The following SH3TC1 variants were observed in gnomAD, a reference collection of about 807,000 sequenced individuals.
SH3TC1 encodes SH3 domain and tetratricopeptide repeats 1, also known as SH3 domain and tetratricopeptide repeat-containing protein 1.
In SH3TC1, 135 loss-of-function variants were observed where a neutral mutation model predicts 117.3. That is an observed-to-expected ratio of 1.15 (90% confidence interval 1.00 to 1.33). The LOEUF (loss-of-function observed/expected upper bound fraction) is 1.33, where lower values mean the gene tolerates loss of function less well. Among genes scored for constraint, SH3TC1 ranks in the 40% most tolerant of loss-of-function variants. The probability of loss-of-function intolerance (pLI) is 0.00; values close to 1 mark genes in which losing one functional copy is unlikely to be tolerated. For synonymous variants in SH3TC1, 898 were observed against 816.9 expected, an observed-to-expected ratio of 1.10 and a Z score of -1.69; for missense variants, 2,092 against 1,794.3, an observed-to-expected ratio of 1.17 and a Z score of -3.00.
intron 12 of SH3TC1, among the ~76,000 whole-genome samples, chr4:8,229,588 G>A (rs963957472): frequency 4.6e-5 from 7 of 151,944 alleles, no homozygotes; most frequent in Non-Finnish European, 8.8e-5. Flanking sequence ...GTTGGGCGTG[G>A]GTTGGTTGGG....
rs969113185 is a variant in SH3TC1 at position 8,188,762 on chromosome 4, C to T, written c.-57+6552C>T. ...CGCCCCTGTGACGCCACCTGGGAGA[C>T]ACCCCAGCGGGTTAGCAGGCATGTG... On this transcript the variant is annotated intron_variant, in intron 1 of 16. Coordinates refer to the SH3TC1 transcript ENST00000508641. 3.3e-5 allele frequency among the ~76,000 whole-genome samples: 5 copies of T among 152,240 alleles called. No homozygotes were observed. In the South Asian group the frequency reaches 1.0e-3, roughly 31 times the overall value.
chr4:8,198,312 T>C (rs1717628541), upstream of SH3TC1, among the ~76,000 whole-genome samples: 1 of 152,172 alleles, frequency 6.6e-6, no homozygotes, highest in Admixed American at 6.5e-5. Context: ...TTAGGGATTA[T>C]TCTTGGTTTT....
chr4:8,193,723 G>A (rs572064175), intron 1 of SH3TC1, among the ~76,000 whole-genome samples: 4 of 152,296 alleles, frequency 2.6e-5, no homozygotes, highest in South Asian at 2.1e-4. Context: ...TGCTGCCATC[G>A]CCAGTGGCAG....
At chr4:8,188,958 G>C (rs542584444) in intron 1 of SH3TC1, among the ~76,000 whole-genome samples, 5 of 152,262 alleles carry the variant, frequency 3.3e-5, no homozygotes, top group African/African-American at 1.2e-4. Context: ...CACGTGGCTC[G>C]ACACATGAGG....
intron 6 of SH3TC1, among the ~76,000 whole-genome samples, 165 bp from the exon 7 acceptor site, chr4:8,216,792 C>A (rs1464909823): frequency 6.6e-6 from 1 of 152,150 alleles, no homozygotes; most frequent in Non-Finnish European, 1.5e-5. Context: ...TCGCCCTGGG[C>A]CCACCTCTCC....
intron 12 of SH3TC1, chr4:8,231,016 A>C (rs1234746382): frequency 6.6e-6 from 1 of 152,234 alleles, no homozygotes; most frequent in African/African-American, 2.4e-5. Flanking sequence ...TCCTGGACTC[A>C]AGCGATCCTC....
Position 8,228,105 on chromosome 4 carries a change from C to T in SH3TC1, c.2411C>T (p.Pro804Leu), listed in dbSNP as rs756479726. ...QLYSHHGCHG[P>L]AITFMTQAVE... ...TACAGCCACCATGGCTGCCACGGCC[C>T]GGCCATCACCTTCATGACGCAGGCA... The change falls in exon 12 of 18, where the codon CCG becomes CTG. Residue 804 changes from proline to leucine, a missense_variant. By Grantham distance (98) the Pro-to-Leu change is moderately conservative. Coordinates refer to ENST00000245105, the MANE Select transcript of SH3TC1 (RefSeq NM_018986.5). The T allele has an allele frequency of 1.1e-5, 18 of 1,610,750 alleles. No individual in the cohort carries two copies. The highest frequency in any genetic ancestry group is 6.6e-5 in the South Asian group (6 of 90,860).
At chr4:8,223,884 C>G (rs1020588675) in intron 10 of SH3TC1, among the ~76,000 whole-genome samples, 11 of 152,212 alleles carry the variant, frequency 7.2e-5, no homozygotes, top group African/African-American at 2.7e-4. Flanking sequence ...ATCCGCCAGC[C>G]TCAGCCTCCC....
chr4:8,194,823 C>A (rs1227330059), upstream of SH3TC1, among the ~76,000 whole-genome samples: 1 of 152,208 alleles, frequency 6.6e-6, no homozygotes, highest in African/African-American at 2.4e-5. Flanking sequence ...CTGGAAAACC[C>A]CAGACTCCTG....
Position 8,203,679 on chromosome 4 carries a change from G to T in SH3TC1, c.-28-1488G>T, listed in dbSNP as rs1717985203. ...ACCTCCCATCTCCCCGCCCCTGCAAGACATTCTGAGCAGACACTGGGACAG... is the reference window on the plus strand; with the variant it reads ...ACCTCCCATCTCCCCGCCCCTGCAATACATTCTGAGCAGACACTGGGACAG... On this transcript the variant is annotated intron_variant, in intron 1 of 17. Coordinates refer to ENST00000245105, the MANE Select transcript of SH3TC1 (RefSeq NM_018986.5). Among the ~76,000 whole-genome samples the T allele has an allele frequency of 1.3e-5, 2 of 152,184 alleles. 1 individual carries two copies. Among genetic ancestry groups the T allele is most frequent in the South Asian group, 4.1e-4 (2 of 4,834 alleles).
intron 11 of SH3TC1, among the ~76,000 whole-genome samples, chr4:8,226,371 G>A (rs1166722181): frequency 2.0e-5 from 3 of 152,202 alleles, no homozygotes; most frequent in Non-Finnish European, 4.4e-5. Context: ...ACAGGAGCCT[G>A]GAAGCTTTCC....
In SH3TC1 at chr4:8,235,700, A is replaced by T. The variant is rs2152997518; in HGVS notation, c.3405+145A>T. 3 of 1,196,692 alleles carry T rather than the reference A, an allele frequency of 2.5e-6. No individual in the cohort carries two copies. The East Asian group carries it at 7.8e-5, about 31-fold the overall frequency. 74.1% of individuals were successfully genotyped at this position (1,196,692 alleles called of 1,614,324 possible). A position where few individuals can be genotyped will look rare whatever the true frequency, so the allele number is the denominator to read the frequency against. ...TAGTTTCCTAGTGGTTTCACCGGGA[A>T]TGATATTGACTGTGCCCCCCGCCCG... On this transcript the variant is annotated intron_variant, in intron 15 of 17. Transcript: ENST00000245105.
intron 5 of SH3TC1, among the ~76,000 whole-genome samples, 182 bp downstream of exon 5, chr4:8,214,762 C>T (rs1719081168): frequency 6.6e-6 from 1 of 152,218 alleles, no homozygotes; most frequent in East Asian, 1.9e-4. Flanking sequence ...TAGCTCACTG[C>T]AACCCCTGCT....
Position 8,241,003 on chromosome 4 carries a change from T to A in SH3TC1, c.*48T>A. On this transcript the variant is annotated 3_prime_UTR_variant, in exon 18 of 18. Coordinates refer to ENST00000245105, the MANE Select transcript of SH3TC1 (RefSeq NM_018986.5). ...TTTTGTGCAAGGGCTGGGGGTCTCC[T>A]GCCTCTCCTGGTGTCGCCGGTGGCT... 6.3e-7 allele frequency: 1 copy of A among 1,587,044 alleles called. No homozygotes were observed. The highest frequency in any genetic ancestry group is 8.6e-7 in the Non-Finnish European group (1 of 1,168,046).
At chr4:8,236,582 G>A in intron 16 of SH3TC1, 154 bp downstream of exon 16, 1 of 1,057,080 alleles carries the variant, frequency 9.5e-7, no homozygotes, top group Middle Eastern at 3.2e-4. Flanking sequence ...GTCCGGCCGT[G>A]GGGCACAGCC....
Position 8,227,339 on chromosome 4 carries a change from G to A in SH3TC1, c.1645G>A (p.Ala549Thr). The A allele has an allele frequency of 1.2e-6, 2 of 1,603,972 alleles. No homozygotes were observed. The highest frequency in any genetic ancestry group is 1.1e-5 in the South Asian group (1 of 89,982). Reference protein sequence around the residue: ...LTGRLAQARGAAKKAGLLMAL... With the variant: ...LTGRLAQARGTAKKAGLLMAL... The stretch of plus-strand genomic sequence containing the variant: ...TGGGCGCCTGGCACAGGCCCGGGGG[G>A]CGGCCAAGAAAGCTGGCCTCCTCAT... The change falls in exon 12 of 18, where the codon GCG becomes ACG. Residue 549 changes from alanine (A) to threonine (T), a missense_variant. Coordinates refer to ENST00000245105, the MANE Select transcript of SH3TC1 (RefSeq NM_018986.5).
chr4:8,214,947 A>G (rs1034350103), intron 5 of SH3TC1, among the ~76,000 whole-genome samples: 13 of 152,174 alleles, frequency 8.5e-5, no homozygotes, highest in African/African-American at 3.1e-4. Flanking sequence ...TGCCCTCCCA[A>G]AGTGCTGGGA....
intron 1 of SH3TC1, among the ~76,000 whole-genome samples, chr4:8,191,720 G>C (rs568774650): frequency 1.3e-5 from 2 of 152,268 alleles, no homozygotes; most frequent in East Asian, 1.9e-4. Flanking sequence ...GGAACCTCAG[G>C]AGAGATTTGT....
upstream of SH3TC1, among the ~76,000 whole-genome samples, chr4:8,198,348 C>T (rs953242265): frequency 3.3e-5 from 5 of 152,110 alleles, no homozygotes; most frequent in African/African-American, 9.7e-5. Context: ...TGTAAAGCTC[C>T]GACCTATCAC....
Sources: allele counts gnomAD v4.1 joint callset (sites outside exome capture counted in the v4.1 genomes callset), GRCh38; gene constraint gnomAD v4.1.1; transcripts MANE v1.5; gene names NCBI Gene and HGNC (gene_info 2026-07-23, HGNC 2026-07-21).